Variants in LYAR observed in about 807,000 individuals in gnomAD.
The protein encoded by LYAR is cell growth-regulating nucleolar protein.
LYAR carries 37 observed loss-of-function variants against 45.2 expected under a neutral mutation model. The observed-to-expected ratio is 0.82, with a 90% CI of 0.63 to 1.08. LYAR has a LOEUF of 1.08. Among genes scored for constraint, LYAR ranks in the 50% least tolerant of loss-of-function variants. LYAR has a pLI of 0.00. For synonymous variants in LYAR, 176 were observed against 155.1 expected (o/e 1.14, Z -1.00); for missense variants, 493 against 451.0 (o/e 1.09, Z -0.84).
intron 8 of LYAR, 142 bp downstream of exon 8, chr4:4,273,441 G>A: frequency 1.7e-6 from 1 of 605,226 alleles, no homozygotes. Flanking sequence ...CTCGCTTTTT[G>A]AAAGTGGTAC....
At chr4:4,280,865 T>G (rs1211326444) in intron 4 of LYAR, among the ~76,000 whole-genome samples, 1 of 152,326 alleles carries the variant, frequency 6.6e-6, no homozygotes, top group South Asian at 2.1e-4. Context: ...TTTTTATTGG[T>G]TTTTAGAAAA....
chr4:4,268,285 A>AC (rs11464422), intron 9 of LYAR, among the ~76,000 whole-genome samples: 28,831 of 152,040 alleles, frequency 0.19, 5,591 homozygotes, highest in African/African-American at 0.5. Context: ...AATATCTAGA[A>AC]AATAATTTCC....
chr4:4,289,555 G>T (rs1011486240), intron 1 of LYAR: 1 of 152,268 alleles, frequency 6.6e-6, no homozygotes, highest in African/African-American at 2.4e-5. Context: ...GATTCTATAT[G>T]TTATGACAGA....
intron 4 of LYAR, among the ~76,000 whole-genome samples, chr4:4,280,974 T>C (rs1719369722): frequency 6.6e-6 from 1 of 152,270 alleles, no homozygotes; most frequent in Non-Finnish European, 1.5e-5. Context: ...ATCAGTAGCA[T>C]TCTGAGAGTT....
intron 8 of LYAR, among the ~76,000 whole-genome samples, chr4:4,269,680 G>C (rs1476110226): frequency 2.0e-5 from 3 of 152,206 alleles, no homozygotes; most frequent in African/African-American, 7.2e-5. Flanking sequence ...AGTCATGTGA[G>C]AGAAAGCCAG....
chr4:4,289,308 C>T (rs2108856886), intron 1 of LYAR, among the ~76,000 whole-genome samples: 1 of 152,272 alleles, frequency 6.6e-6, no homozygotes, highest in South Asian at 2.1e-4. Flanking sequence ...GAGTAACTAC[C>T]ATGTGTCAGG....
At chr4:4,284,560 T>C (rs1719531855) in intron 2 of LYAR, among the ~76,000 whole-genome samples, 1 of 152,186 alleles carries the variant, frequency 6.6e-6, no homozygotes, top group Admixed American at 6.5e-5. Flanking sequence ...GCTGAATTAC[T>C]GGAGTTCACA....
intron 1 of LYAR, among the ~76,000 whole-genome samples, chr4:4,287,095 T>TA (rs1560099012): frequency 6.6e-6 from 1 of 152,218 alleles, no homozygotes; most frequent in Non-Finnish European, 1.5e-5. Flanking sequence ...GCCCTAAGTG[T>TA]AAAAAGACAG....
rs370253279 is a variant in LYAR, at chr4:4,268,506, C to T, written c.1005+24G>A. 6.0e-5 allele frequency: 88 copies of T among 1,459,740 alleles called. No homozygotes were observed. The African/African-American group carries it at 6.9e-4, about 11-fold the overall frequency. The allele number at this position is 1,459,740 out of a possible 1,614,324, so 90.4% of individuals were successfully genotyped here. On this transcript the variant is annotated intron_variant, in intron 9 of 9. Coordinates refer to ENST00000343470, the MANE Select transcript of LYAR (RefSeq NM_017816.3). The stretch of plus-strand genomic sequence containing the variant: ...ATAAGTTCTCCCCAGCTGTTAGACA[C>T]GTGGGTTTGTTCATATGCCATACCT...
chr4:4,284,540 A>G (rs998588159), intron 2 of LYAR, among the ~76,000 whole-genome samples: 8 of 152,196 alleles, frequency 5.3e-5, no homozygotes, highest in Non-Finnish European at 2.9e-5. Context: ...AGGTGTCCCA[A>G]CTGCTGGGTG....
At chr4:4,272,535 C>T (rs1266820666) in intron 8 of LYAR, among the ~76,000 whole-genome samples, 2 of 152,150 alleles carry the variant, frequency 1.3e-5, no homozygotes, top group Admixed American at 1.3e-4. Flanking sequence ...AACAATTTTA[C>T]AATACACTAT....
chr4:4,277,598 T>C (rs1219352419), intron 6 of LYAR, among the ~76,000 whole-genome samples: 1 of 152,222 alleles, frequency 6.6e-6, no homozygotes, highest in Non-Finnish European at 1.5e-5. Context: ...GCCCTGACTC[T>C]TTCCTAATCG....
rs75660781 is a variant in LYAR at position 4,271,954 on chromosome 4, G to C, written c.919+1629C>G. On this transcript the variant is annotated intron_variant, in intron 8 of 9. Transcript: ENST00000343470. ...TCAGCAACCTGGGTGAATCTCCAGA[G>C]AAAAACGCTGAGCGAAGAGTCAGTC... Among the ~76,000 whole-genome samples, 705 of 152,216 alleles carry C rather than the reference G, an allele frequency of 4.6e-3. 4 individuals carry two copies. The highest frequency in any genetic ancestry group is 0.016 in the African/African-American group (660 of 41,514).
intron 8 of LYAR, among the ~76,000 whole-genome samples, chr4:4,271,856 G>A (rs576402606): frequency 6.6e-6 from 1 of 152,282 alleles, no homozygotes; most frequent in South Asian, 2.1e-4. Flanking sequence ...CCCTCCACAG[G>A]TGAATGATGA....
intron 1 of LYAR, among the ~76,000 whole-genome samples, chr4:4,288,209 G>A (rs1357949501): frequency 2.0e-5 from 3 of 152,166 alleles, no homozygotes; most frequent in Admixed American, 2.0e-4. Flanking sequence ...CTTCATCCCT[G>A]CCCAATTGTA....
chr4:4,282,840 C>T (rs948679132), intron 3 of LYAR, among the ~76,000 whole-genome samples: 4 of 152,216 alleles, frequency 2.6e-5, no homozygotes, highest in Non-Finnish European at 4.4e-5. Context: ...CCACCAGCAC[C>T]TCTGATTTTC....
At chr4:4,270,927 A>G (rs1718906574) in intron 8 of LYAR, among the ~76,000 whole-genome samples, 1 of 152,212 alleles carries the variant, frequency 6.6e-6, no homozygotes. Flanking sequence ...GGCACGTGAG[A>G]TATTTTGATA....
intron 1 of LYAR, among the ~76,000 whole-genome samples, chr4:4,288,391 T>A (rs1363954057): frequency 1.3e-5 from 2 of 152,208 alleles, no homozygotes; most frequent in East Asian, 3.8e-4. Flanking sequence ...CCAAGTTCCC[T>A]GATAACATGC....
At chr4:4,272,539 A>T (rs1222284171) in intron 8 of LYAR, among the ~76,000 whole-genome samples, 1 of 152,236 alleles carries the variant, frequency 6.6e-6, no homozygotes, top group Non-Finnish European at 1.5e-5. Flanking sequence ...ATTTTACAAT[A>T]CACTATAATA....
Sources: allele counts gnomAD v4.1 joint callset (sites outside exome capture counted in the v4.1 genomes callset), GRCh38; gene constraint gnomAD v4.1.1; transcripts MANE v1.5; gene names NCBI Gene and HGNC (gene_info 2026-07-23, HGNC 2026-07-21).